HCK: variants seen among roughly 807,000 people sequenced by gnomAD.
HCK encodes the protein tyrosine-protein kinase HCK.
In HCK, 40 loss-of-function variants were observed where a neutral mutation model predicts 70.4. The observed-to-expected ratio is 0.57, with a 90% CI of 0.44 to 0.74. The LOEUF (loss-of-function observed/expected upper bound fraction) is 0.74. Among genes scored for constraint, HCK ranks in the 30% least tolerant of loss-of-function variants. HCK has a pLI of 0.00. For synonymous variants in HCK, 245 were observed against 263.2 expected, an observed-to-expected ratio of 0.93 and a Z score of 0.67; for missense variants, 568 against 697.2, an observed-to-expected ratio of 0.81 and a Z score of 2.09.
intron 1 of HCK, among the ~76,000 whole-genome samples, chr20:32,061,282 G>A (rs2045372298): frequency 6.6e-6 from 1 of 152,126 alleles, no homozygotes; most frequent in East Asian, 1.9e-4. Context: ...GCGCCCAGCT[G>A]CCGTGCCATT....
intron 1 of HCK, among the ~76,000 whole-genome samples, chr20:32,062,532 C>T (rs565856499): frequency 1.3e-5 from 2 of 152,302 alleles, no homozygotes; most frequent in South Asian, 2.1e-4. Flanking sequence ...ATGATCAAAG[C>T]CCTGAGTTCT....
intron 1 of HCK, among the ~76,000 whole-genome samples, chr20:32,061,962 C>T (rs144900300): frequency 0.017 from 2,182 of 127,598 alleles, 60 homozygotes; most frequent in African/African-American, 0.062. Context: ...TTTTTTGAGA[C>T]GGACTCTCAC....
chr20:32,086,513 T>C, intron 8 of HCK, 115 bp from the exon 9 acceptor site: 5 of 833,544 alleles, frequency 6.0e-6, no homozygotes, highest in East Asian at 2.9e-5. Flanking sequence ...TCTCTGAGAG[T>C]TGAGATGAGC....
chr20:32,101,241 G>T (rs1243059568), intron 12 of HCK, 76 bp from the exon 13 acceptor site: 2 of 1,323,452 alleles, frequency 1.5e-6, no homozygotes, highest in East Asian at 4.9e-5. Context: ...GCCTGCTGGG[G>T]AGGCCACAGG....
chr20:32,079,884 C>T lies in HCK; in HGVS notation c.532+7C>T. 6.3e-7 allele frequency: 1 copy of T among 1,587,986 alleles called. No homozygotes were observed. Among genetic ancestry groups the T allele is most frequent in the Non-Finnish European group, 8.6e-7 (1 of 1,156,652 alleles). ...GATAGCGAGACCACTAAAGGTGACACCAGCCCTCCCCACCTTGTCCTCCCT... is the reference window on the plus strand; with the variant it reads ...GATAGCGAGACCACTAAAGGTGACATCAGCCCTCCCCACCTTGTCCTCCCT... On this transcript the variant is annotated splice_region_variant and intron_variant, in intron 6 of 12. Coordinates refer to ENST00000375852, the MANE Select transcript of HCK (RefSeq NM_002110.5).
chr20:32,081,191 A>C (rs1729103530), intron 6 of HCK, among the ~76,000 whole-genome samples: 1 of 152,208 alleles, frequency 6.6e-6, no homozygotes, highest in African/African-American at 2.4e-5. Context: ...AGGTCGCCAG[A>C]AGAGACTCAA....
At chr20:32,077,199 A>G (rs935306290) in intron 5 of HCK, among the ~76,000 whole-genome samples, 1 of 152,182 alleles carries the variant, frequency 6.6e-6, no homozygotes, top group Non-Finnish European at 1.5e-5. Flanking sequence ...GGGGAGCACA[A>G]CTGGGACCTT....
chr20:32,090,218 G>A (rs933806660), intron 10 of HCK, among the ~76,000 whole-genome samples: 9 of 152,190 alleles, frequency 5.9e-5, no homozygotes, highest in African/African-American at 1.9e-4. Flanking sequence ...AGCAGTCACC[G>A]ACCAGGGCAA....
intron 5 of HCK, among the ~76,000 whole-genome samples, chr20:32,074,982 G>A (rs905415113): frequency 7.9e-5 from 12 of 152,096 alleles, no homozygotes; most frequent in African/African-American, 2.9e-4. Context: ...AAAACGACCT[G>A]GTTTCTTTGG....
chr20:32,087,409 C>A (rs2045804365), intron 9 of HCK, among the ~76,000 whole-genome samples: 1 of 151,946 alleles, frequency 6.6e-6, no homozygotes, highest in Admixed American at 6.6e-5. Flanking sequence ...ACCCCAGCCC[C>A]CCGAGTGGCT....
At chr20:32,071,621 C>A (rs372242617) in intron 1 of HCK, 41 bp from the exon 2 acceptor site, 10 of 1,605,744 alleles carry the variant, frequency 6.2e-6, no homozygotes, top group Non-Finnish European at 8.5e-6. Flanking sequence ...CCGCATGAGG[C>A]TCTTGGTAAC....
intron 12 of HCK, among the ~76,000 whole-genome samples, chr20:32,100,423 T>C (rs1600754443): frequency 2.0e-5 from 3 of 152,118 alleles, no homozygotes; most frequent in Admixed American, 2.0e-4. Flanking sequence ...GAACTGGTGC[T>C]ACGTTTCAAA....
chr20:32,064,727 T>C (rs1166753358), intron 1 of HCK, among the ~76,000 whole-genome samples: 1 of 152,180 alleles, frequency 6.6e-6, no homozygotes, highest in Non-Finnish European at 1.5e-5. Flanking sequence ...CTCTCCCCCT[T>C]GAGCTTGACT....
At chr20:32,098,716 A>G (rs1010650481) in intron 11 of HCK, among the ~76,000 whole-genome samples, 1 of 151,896 alleles carries the variant, frequency 6.6e-6, no homozygotes, top group African/African-American at 2.4e-5. Context: ...CTGGGATTCC[A>G]CTCTTCGGAG....
At chr20:32,091,290 C>A (rs2045860390) in intron 10 of HCK, among the ~76,000 whole-genome samples, 1 of 152,214 alleles carries the variant, frequency 6.6e-6, no homozygotes, top group African/African-American at 2.4e-5. Flanking sequence ...AAAAGCTGGG[C>A]CAAGTAACAG....
chr20:32,093,365 T>A (rs976284144), intron 10 of HCK, among the ~76,000 whole-genome samples: 2 of 152,202 alleles, frequency 1.3e-5, no homozygotes, highest in Admixed American at 1.3e-4. Context: ...AGTAAATAAG[T>A]GAATTTTCCC....
intron 1 of HCK, 34 bp downstream of exon 1, chr20:32,052,520 G>A (rs1286570425): frequency 1.2e-5 from 15 of 1,250,570 alleles, no homozygotes; most frequent in African/African-American, 1.6e-5. Context: ...GGGAATACCC[G>A]GCCCGCGAGG....
At chr20:32,094,689 G>T (rs1258727121) in intron 11 of HCK, among the ~76,000 whole-genome samples, 1 of 103,812 alleles carries the variant, frequency 9.6e-6, no homozygotes, top group Non-Finnish European at 1.9e-5. Context: ...CTTGTCAAAA[G>T]AAAAGAAAAG....
At chr20:32,099,350 CTTTTTTT>C (rs71336559) in intron 12 of HCK, among the ~76,000 whole-genome samples, 1 of 85,170 alleles carries the variant, frequency 1.2e-5, no homozygotes, top group African/African-American at 6.4e-5. Context: ...ACTCCTATGA[CTTTTTTT>C]TTTTTTTTTT....
Sources: allele counts gnomAD v4.1 joint callset (sites outside exome capture counted in the v4.1 genomes callset), GRCh38; gene constraint gnomAD v4.1.1; transcripts MANE v1.5; gene names NCBI Gene and HGNC (gene_info 2026-07-23, HGNC 2026-07-21).